DGKK: variants seen among roughly 807,000 people sequenced by gnomAD.
The protein encoded by DGKK is 142 kDa diacylglycerol kinase.
A neutral mutation model predicts 92.2 loss-of-function variants in DGKK; 35 were observed. The ratio of observed to expected loss-of-function variants is 0.38; its 90% CI spans 0.29 to 0.50. The LOEUF is 0.50. DGKK is among the 20% of genes least tolerant of loss of function. The pLI, the probability that DGKK is intolerant of heterozygous loss-of-function variation, is 0.92. For missense variants in DGKK, 910 were observed against 992.2 expected (o/e 0.92, Z 1.11); for synonymous variants, 368 against 360.6 (o/e 1.02, Z -0.23).
chrX:50,448,142 T>C (rs1464615482), intron 1 of DGKK, among the ~76,000 whole-genome samples: 1 of 111,198 alleles, frequency 9.0e-6, no homozygotes, highest in Admixed American at 9.5e-5. Context: ...GTTACATCCA[T>C]TTTTTGGGTG....
intron 7 of DGKK, among the ~76,000 whole-genome samples, chrX:50,401,746 A>G (rs782177572): frequency 1.8e-5 from 2 of 110,031 alleles, no homozygotes; most frequent in South Asian, 7.9e-4. Context: ...ATTCAAAAGC[A>G]ATTGAAAAAA....
rs782285836 is a variant in DGKK at position 50,470,166 on chromosome X, T to C, written c.513A>G (p.Pro171=). ...ATGGTGCTGGACTTGGACGGAACTCTGGAGCCGCCTCAGGGCAGAACTCTG... is the reference window on the plus strand; with the variant it reads ...ATGGTGCTGGACTTGGACGGAACTCCGGAGCCGCCTCAGGGCAGAACTCTG... The part of the protein sequence containing the change: ...LAPEFCPEAA[P]EFRPSPAPCL... The change falls in exon 1 of 28, where the codon CCA becomes CCG. Residue 171 remains proline (P), a synonymous_variant. Coordinates refer to ENST00000611977, the MANE Select transcript of DGKK (RefSeq NM_001013742.4). 4 of 1,212,259 alleles carry C rather than the reference T, an allele frequency of 3.3e-6. No homozygotes were observed. Among genetic ancestry groups the C allele is most frequent in the Non-Finnish European group, 3.4e-6 (3 of 895,518 alleles).
At chrX:50,375,916 C>T (rs1557223767) in intron 24 of DGKK, 108 bp downstream of exon 24, 2 of 932,250 alleles carry the variant, frequency 2.1e-6, no homozygotes, top group Non-Finnish European at 2.9e-6. Context: ...CAGTTTCCTG[C>T]CATATTTGCC....
At chrX:50,436,080 C>T (rs782278425) in intron 1 of DGKK, among the ~76,000 whole-genome samples, 2 of 112,038 alleles carry the variant, frequency 1.8e-5, no homozygotes, top group Admixed American at 9.5e-5. Context: ...AGACACTAGT[C>T]TGTCAAAGAA....
chrX:50,376,991 G>A, intron 22 of DGKK, 73 bp from the exon 23 acceptor site: 2 of 1,049,923 alleles, frequency 1.9e-6, no homozygotes, highest in Admixed American at 2.9e-5. Context: ...CTGTCTGTGA[G>A]CCTGACGTTT....
At chrX:50,379,841 A>G in intron 19 of DGKK, 107 bp from the exon 20 acceptor site, 1 of 886,155 alleles carries the variant, frequency 1.1e-6, no homozygotes, top group Non-Finnish European at 1.6e-6. Flanking sequence ...TTACATGGAA[A>G]TCTATCTTCA....
chrX:50,449,383 C>T (rs1175347880), intron 1 of DGKK, among the ~76,000 whole-genome samples: 1 of 111,627 alleles, frequency 9.0e-6, no homozygotes, highest in East Asian at 2.8e-4. Flanking sequence ...GAAGTGTCTG[C>T]TGTAGTAGAA....
In DGKK at chrX:50,384,236, T is replaced by C; in HGVS notation, c.2481A>G (p.Ile827Met). The part of the protein sequence containing the change: ...RRSRRGTLSS[I>M]SSLKSEDLDN... The stretch of plus-strand genomic sequence containing the variant: ...CCAGGTCCTCACTTTTGAGAGAAGA[T>C]ATAGAAGACAAAGTGCCACGACGAG... The change falls in exon 17 of 28, where the codon ATA becomes ATG. Residue 827 changes from isoleucine (I) to methionine (M), a missense_variant. By Grantham distance (10) the Ile-to-Met change is conservative. Coordinates refer to ENST00000611977, the MANE Select transcript of DGKK (RefSeq NM_001013742.4). 2 of 1,180,205 alleles carry C rather than the reference T, an allele frequency of 1.7e-6. No homozygotes were observed. The highest frequency in any genetic ancestry group is 3.1e-5 in the East Asian group (1 of 32,456).
chrX:50,384,599 G>A, intron 16 of DGKK, 121 bp downstream of exon 16: 1 of 603,373 alleles, frequency 1.7e-6, no homozygotes, highest in South Asian at 3.1e-5. Context: ...GAAAGACGGA[G>A]GGGTATCTAC....
At chrX:50,423,824 A>ACTTT (rs1351547447) in intron 2 of DGKK, among the ~76,000 whole-genome samples, 1 of 112,413 alleles carries the variant, frequency 8.9e-6, no homozygotes, top group Non-Finnish European at 1.9e-5. Context: ...CTAATTATTT[A>ACTTT]AAATCGTATT....
At chrX:50,390,498 T>C (rs782059154) in intron 11 of DGKK, 89 bp from the exon 12 acceptor site, 3 of 862,613 alleles carry the variant, frequency 3.5e-6, no homozygotes, top group Admixed American at 2.3e-5. Flanking sequence ...GAAGTAAAAA[T>C]GTTTATGTGG....
rs1184608131 is a variant in DGKK, at chrX:50,379,572, G to C, written c.2862+55C>G. ...CAGTTAGCACAATGCTTCCTTCAGAGAGACCTTAGTGGGATCATGCCTTTC... is the reference window on the plus strand; with the variant it reads ...CAGTTAGCACAATGCTTCCTTCAGACAGACCTTAGTGGGATCATGCCTTTC... On this transcript the variant is annotated intron_variant, in intron 20 of 27. Transcript: ENST00000611977. The C allele has an allele frequency of 6.0e-6, 6 of 1,003,615 alleles. No homozygotes were observed. In the Admixed American group the frequency reaches 1.3e-4, roughly 22 times the overall value. The allele number at this position is 1,003,615 out of a possible 1,213,427, so 82.7% of individuals were successfully genotyped here.
intron 1 of DGKK, 135 bp from the exon 2 acceptor site, chrX:50,424,493 G>T: frequency 4.0e-6 from 2 of 504,583 alleles, no homozygotes; most frequent in Admixed American, 3.7e-5. Context: ...TGAAGGCCAG[G>T]TGAGAACACA....
At chrX:50,451,193 A>G (rs1926486475) in intron 1 of DGKK, among the ~76,000 whole-genome samples, 1 of 111,390 alleles carries the variant, frequency 9.0e-6, no homozygotes. Context: ...TGGGAAAAAA[A>G]CTCTATGTAG....
chrX:50,428,816 C>T (rs901201463), intron 1 of DGKK, among the ~76,000 whole-genome samples: 25 of 111,732 alleles, frequency 2.2e-4, no homozygotes, highest in Admixed American at 2.2e-3. Context: ...CTTCCCTACT[C>T]ACCCAATTAC....
intron 8 of DGKK, among the ~76,000 whole-genome samples, chrX:50,395,239 C>A (rs987029817): frequency 1.8e-5 from 2 of 111,772 alleles, no homozygotes; most frequent in African/African-American, 6.5e-5. Context: ...ATGCAGGCCC[C>A]AATTCATGGC....
At chrX:50,381,481 A>G (rs1209272358) in intron 18 of DGKK, among the ~76,000 whole-genome samples, 1 of 111,898 alleles carries the variant, frequency 8.9e-6, no homozygotes, top group Admixed American at 9.5e-5. Context: ...GAAAATAAAA[A>G]AAATAAACAA....
At chrX:50,467,515 G>A (rs781990040) in intron 1 of DGKK, among the ~76,000 whole-genome samples, 7 of 113,062 alleles carry the variant, frequency 6.2e-5, no homozygotes, top group Non-Finnish European at 1.1e-4. Context: ...ATTGCATGAT[G>A]AGACCTGTAT....
Position 50,376,101 on chromosome X carries a change from C to T in DGKK, c.3337G>A (p.Ala1113Thr), listed in dbSNP as rs782038459. The T allele has an allele frequency of 3.9e-5, 47 of 1,209,338 alleles. No homozygotes were observed. Among genetic ancestry groups the T allele is most frequent in the African/African-American group, 8.7e-5 (5 of 57,204 alleles). Residue 1113 changes from alanine (A) to threonine (T), a missense_variant, in exon 24 of 28, where the codon GCT (alanine) becomes ACT (threonine). Coordinates refer to ENST00000611977, the MANE Select transcript of DGKK (RefSeq NM_001013742.4). ...SVLMGSVNAS[A>T]NILNDIFYGQ... Reference sequence around the variant, plus strand: ...TAAAATATATCATTCAGGATGTTAGCGCTGGCATTCACAGAACCCATGAGG... The same window carrying T: ...TAAAATATATCATTCAGGATGTTAGTGCTGGCATTCACAGAACCCATGAGG...
Sources: gnomAD v4.1 joint callset for allele counts (sites outside exome capture counted in the v4.1 genomes callset) on GRCh38, gnomAD v4.1.1 for gene constraint, MANE v1.5 for transcripts, NCBI Gene and HGNC (gene_info 2026-07-23, HGNC 2026-07-21) for gene names.